NALCN: variants seen among roughly 807,000 people sequenced by gnomAD.
NALCN encodes sodium leak channel NALCN.
Under a neutral mutation model 225.3 loss-of-function variants are expected in NALCN, and 111 were observed. The ratio of observed to expected loss-of-function variants is 0.49; its 90% CI spans 0.42 to 0.58. NALCN has a LOEUF of 0.58. Ranked by LOEUF, NALCN falls within the 20% of genes least tolerant of loss-of-function variation. The pLI is 0.00. For synonymous variants in NALCN, 764 were observed against 769.0 expected (o/e 0.99, Z 0.11); for missense variants, 1,378 against 2,202.4 (o/e 0.63, Z 7.49).
intron 1 of NALCN, among the ~76,000 whole-genome samples, chr13:101,408,111 C>T (rs1328578748): frequency 1.3e-5 from 2 of 152,196 alleles, no homozygotes; most frequent in African/African-American, 2.4e-5. Context: ...ATTGCCACCC[C>T]AGGAATACTT....
chr13:101,091,738 G>A (rs1261403134), intron 28 of NALCN, among the ~76,000 whole-genome samples: 1 of 152,074 alleles, frequency 6.6e-6, no homozygotes, highest in East Asian at 1.9e-4. Context: ...CAAGTGAACC[G>A]GTTCTCAGAG....
At chr13:101,176,257 G>T (rs1474153188) in intron 15 of NALCN, 43 bp downstream of exon 15, 10 of 1,430,648 alleles carry the variant, frequency 7.0e-6, no homozygotes, top group East Asian at 2.6e-5. Flanking sequence ...TTTGCCCCTG[G>T]TTTTTTGTCC....
intron 12 of NALCN, among the ~76,000 whole-genome samples, chr13:101,236,129 A>G (rs969700802): frequency 3.3e-5 from 5 of 152,206 alleles, no homozygotes; most frequent in Non-Finnish European, 5.9e-5. Context: ...TCTCAAAAGA[A>G]GACATTTATG....
chr13:101,337,565 C>T (rs1225620506), intron 7 of NALCN, among the ~76,000 whole-genome samples: 1 of 152,178 alleles, frequency 6.6e-6, no homozygotes, highest in African/African-American at 2.4e-5. Flanking sequence ...GCCTCAGCCT[C>T]CCAAAGTGCT....
rs569850296 is a variant in NALCN at position 101,143,118 on chromosome 13, G to A, written c.2080C>T (p.Arg694Cys). Residue 694 changes from arginine to cysteine, a missense_variant, in exon 17 of 44, where the codon CGC becomes TGC. Physicochemically the swap from Arg to Cys is radical, Grantham distance 180 (BLOSUM62 -3). Transcript: ENST00000251127. Reference protein sequence around the residue: ...TSSSSCDHSKRSAIEDNKYID... With the variant: ...TSSSSCDHSKCSAIEDNKYID... ...TATTTGTTGTCCTCAATTGCTGAGC[G>A]TTTGGAGTGGTCGCAGGAGGAGGAA... The A allele has an allele frequency of 1.2e-5, 19 of 1,614,138 alleles. 1 individual carries two copies. Among genetic ancestry groups the A allele is most frequent in the Middle Eastern group, 1.6e-4 (1 of 6,062 alleles).
chr13:101,119,372 A>T (rs1000635365), intron 18 of NALCN, among the ~76,000 whole-genome samples: 3 of 152,214 alleles, frequency 2.0e-5, no homozygotes, highest in Non-Finnish European at 2.9e-5. Context: ...AGTTATTAAT[A>T]TAAGTGCATG....
At chr13:101,275,386 C>T (rs2042937296) in intron 10 of NALCN, among the ~76,000 whole-genome samples, 1 of 152,204 alleles carries the variant, frequency 6.6e-6, no homozygotes, top group African/African-American at 2.4e-5. Context: ...CCGAATGACA[C>T]TTGCAATCAA....
intron 15 of NALCN, among the ~76,000 whole-genome samples, 156 bp downstream of exon 15, chr13:101,176,144 G>C (rs979871282): frequency 1.3e-5 from 2 of 152,068 alleles, no homozygotes; most frequent in Non-Finnish European, 2.9e-5. Context: ...GTTAATATTA[G>C]ATAAAAGTTA....
At chr13:101,262,084 T>C (rs941021440) in intron 10 of NALCN, among the ~76,000 whole-genome samples, 3 of 152,236 alleles carry the variant, frequency 2.0e-5, no homozygotes, top group African/African-American at 7.2e-5. Flanking sequence ...CAAATGCTTT[T>C]TTAGCATGAA....
In NALCN at chr13:101,204,910, T is replaced by C. The variant is rs144887863; in HGVS notation, c.1627-12856A>G. ...GTAGTTAATTGTCCATTATTTAATATAATCTTAGCAATGACCCTGTGAAGT... is the reference window on the plus strand; with the variant it reads ...GTAGTTAATTGTCCATTATTTAATACAATCTTAGCAATGACCCTGTGAAGT... On this transcript the variant is annotated intron_variant, in intron 13 of 43. Coordinates refer to ENST00000251127, the MANE Select transcript of NALCN (RefSeq NM_052867.4). Among the ~76,000 whole-genome samples the C allele has an allele frequency of 5.5e-3, 832 of 152,262 alleles. 22 individuals are homozygous for C. The highest frequency in any genetic ancestry group is 0.047 in the Admixed American group (725 of 15,274).
chr13:101,393,083 C>G (rs7338507), intron 3 of NALCN, among the ~76,000 whole-genome samples: 36,514 of 152,096 alleles, frequency 0.24, 5,317 homozygotes, highest in East Asian at 0.44. Flanking sequence ...CAAAGCCAAT[C>G]ACAATGGCAA....
intron 6 of NALCN, among the ~76,000 whole-genome samples, chr13:101,356,063 T>G (rs1291913989): frequency 6.6e-6 from 1 of 152,156 alleles, no homozygotes; most frequent in Admixed American, 6.5e-5. Context: ...GAAGGAAATT[T>G]ATAGTACTAA....
intron 15 of NALCN, among the ~76,000 whole-genome samples, chr13:101,159,594 C>T (rs1173596347): frequency 6.6e-6 from 1 of 152,186 alleles, no homozygotes; most frequent in East Asian, 1.9e-4. Context: ...AACAACAGAT[C>T]TGTCATAATG....
At chr13:101,367,393 CATCTG>C (rs1304654941) in intron 6 of NALCN, among the ~76,000 whole-genome samples, 1 of 149,832 alleles carries the variant, frequency 6.7e-6, no homozygotes, top group Non-Finnish European at 1.5e-5. Flanking sequence ...TCTTTTTTGA[CATCTG>C]ATAACACTTT....
At chr13:101,275,748 T>C (rs2138961139) in intron 10 of NALCN, among the ~76,000 whole-genome samples, 1 of 152,158 alleles carries the variant, frequency 6.6e-6, no homozygotes, top group African/African-American at 2.4e-5. Flanking sequence ...AAACCAGGTA[T>C]GGGGCTTGGC....
intron 7 of NALCN, among the ~76,000 whole-genome samples, chr13:101,295,578 A>C (rs1391931111): frequency 6.6e-6 from 1 of 151,428 alleles, no homozygotes; most frequent in Non-Finnish European, 1.5e-5. Flanking sequence ...CTTCTACTCC[A>C]TTTTTTTTTC....
intron 10 of NALCN, among the ~76,000 whole-genome samples, chr13:101,272,902 C>A (rs2042843483): frequency 6.6e-6 from 1 of 152,152 alleles, no homozygotes. Context: ...CAGGCCACCT[C>A]CCCTCAATCT....
chr13:101,341,574 C>T (rs1419208443), intron 7 of NALCN, among the ~76,000 whole-genome samples: 2 of 152,214 alleles, frequency 1.3e-5, no homozygotes, highest in East Asian at 3.9e-4. Flanking sequence ...TCCTACTAAG[C>T]TTTTATGAGT....
intron 1 of NALCN, among the ~76,000 whole-genome samples, chr13:101,409,031 T>A (rs2047704061): frequency 6.6e-6 from 1 of 152,178 alleles, no homozygotes. Flanking sequence ...ACTCCAAAAC[T>A]GTCATTACTT....
Sources: allele counts gnomAD v4.1 joint callset (sites outside exome capture counted in the v4.1 genomes callset), GRCh38; gene constraint gnomAD v4.1.1; transcripts MANE v1.5; gene names NCBI Gene and HGNC (gene_info 2026-07-23, HGNC 2026-07-21).